Variants in CPSF7 observed in about 807,000 individuals in gnomAD.
CPSF7 encodes the protein cleavage and polyadenylation specific factor 7.
A neutral mutation model predicts 44.3 loss-of-function variants in CPSF7; 1 was observed. The observed-to-expected ratio is 0.02, with a 90% confidence interval of 0.01 to 0.11. The LOEUF is 0.11. CPSF7 is among the 10% of genes least tolerant of loss of function. The probability of loss-of-function intolerance (pLI) is 1.00; values close to 1 mark genes in which losing one functional copy is unlikely to be tolerated. For synonymous variants in CPSF7, 202 were observed against 222.0 expected (o/e 0.91, Z 0.80); for missense variants, 443 against 607.2 (o/e 0.73, Z 2.84).
intron 9 of CPSF7, among the ~76,000 whole-genome samples, chr11:61,406,777 C>G (rs1221851877): frequency 6.6e-6 from 1 of 152,162 alleles, no homozygotes; most frequent in African/African-American, 2.4e-5. Context: ...GGGTCTTGCT[C>G]TATTGCCCAG....
chr11:61,408,194 C>CT (rs1859498865), intron 9 of CPSF7, among the ~76,000 whole-genome samples: 1 of 151,776 alleles, frequency 6.6e-6, no homozygotes, highest in Non-Finnish European at 1.5e-5. Context: ...GTAGCTGGGA[C>CT]TACAGGCACC....
intron 6 of CPSF7, 109 bp from the exon 7 acceptor site, chr11:61,415,893 G>C: frequency 2.2e-6 from 2 of 912,188 alleles, no homozygotes; most frequent in Non-Finnish European, 3.5e-6. Flanking sequence ...CTAGACATCT[G>C]TAGCATTCAT....
Position 61,420,010 on chromosome 11 carries a change from T to C in CPSF7, c.462A>G (p.Lys154=). 1.2e-6 allele frequency: 2 copies of C among 1,614,120 alleles called. No homozygotes were observed. Among genetic ancestry groups the C allele is most frequent in the Non-Finnish European group, 1.7e-6 (2 of 1,179,974 alleles). Reference sequence around the variant, plus strand: ...GCCGGGTGGCCGGCCTCACGTCCACTTTTTCTCCATTAAGAACTTTCCCTG... The same window carrying C: ...GCCGGGTGGCCGGCCTCACGTCCACCTTTTCTCCATTAAGAACTTTCCCTG... ...LLPGKVLNGE[K]VDVRPATRQN... The change falls in exon 5 of 10, where the codon AAA becomes AAG. Residue 154 remains lysine (K), a synonymous_variant. Transcript: ENST00000439958.
At chr11:61,414,148 ATTTTTTTTT>A in intron 7 of CPSF7, among the ~76,000 whole-genome samples, 1 of 132,646 alleles carries the variant, frequency 7.5e-6, no homozygotes, top group South Asian at 2.3e-4. Context: ...AAAAAGACTA[ATTTTTTTTT>A]TTTTTTTTTT....
chr11:61,419,858 A>G, intron 5 of CPSF7, 91 bp downstream of exon 5: 1 of 1,463,424 alleles, frequency 6.8e-7, no homozygotes, highest in African/African-American at 1.4e-5. Context: ...ACTGTAGGCT[A>G]AGCCTACACC....
chr11:61,411,895 G>T lies in CPSF7; in HGVS notation c.1100C>A (p.Ala367Glu), dbSNP rs773569202. The stretch of plus-strand genomic sequence containing the variant: ...GGCAACCCGGGACTGTTTGATAACC[G>T]CAATGGCTGTGAGCAGCGTCTCAAT... ...DAIETLLTAI[A>E]VIKQSRVAND... The change falls in exon 8 of 10, where the codon GCG becomes GAG. Residue 367 changes from alanine to glutamate, a missense_variant. Transcript: ENST00000439958. The T allele has an allele frequency of 7.4e-6, 12 of 1,614,162 alleles. No individual in the cohort carries two copies. The highest frequency in any genetic ancestry group is 1.0e-5 in the Non-Finnish European group (12 of 1,179,990).
intron 9 of CPSF7, among the ~76,000 whole-genome samples, chr11:61,405,099 T>C (rs1565096126): frequency 6.6e-6 from 1 of 152,188 alleles, no homozygotes; most frequent in African/African-American, 2.4e-5. Flanking sequence ...AAGTCTATTC[T>C]GTGCAAGTCA....
rs1859090521 is a variant in CPSF7 at position 61,404,005 on chromosome 11, CCTT to C, written c.*702_*704del. 6.6e-6 allele frequency: 1 copy of C among 152,666 alleles called. No homozygotes were observed. The highest frequency in any genetic ancestry group is 1.9e-4 in the East Asian group (1 of 5,198). 9.5% of individuals were successfully genotyped at this position (152,666 alleles called of 1,614,324 possible). On this transcript the variant is annotated 3_prime_UTR_variant, in exon 10 of 10. Transcript: ENST00000439958. The stretch of plus-strand genomic sequence containing the variant: ...TCCCAGCAGCAAGCAACCTCATAGG[CCTT>C]CTCTGCTTAGGAGGGGCAAGTCCAC...
intron 9 of CPSF7, among the ~76,000 whole-genome samples, chr11:61,408,119 C>T (rs995357387): frequency 2.7e-5 from 4 of 150,036 alleles, no homozygotes; most frequent in Non-Finnish European, 4.4e-5. Context: ...TACAGTGGCG[C>T]GATCTCGGCT....
rs1199842499 is a variant in CPSF7 at position 61,421,502 on chromosome 11, G to C, written c.161C>G (p.Pro54Arg). The part of the protein sequence containing the change: ...DRSSSTEPPP[P>R]VRQEPSPKPN... ...CTTGGGAGATGGCTCCTGGCGAACAGGAGGAGGTGGTTCAGTGCTGCTGCT... is the reference window on the plus strand; with the variant it reads ...CTTGGGAGATGGCTCCTGGCGAACACGAGGAGGTGGTTCAGTGCTGCTGCT... The change falls in exon 3 of 10, where the codon CCT (proline) becomes CGT (arginine). Residue 54 changes from proline to arginine, a missense_variant. Coordinates refer to ENST00000439958, the MANE Select transcript of CPSF7 (RefSeq NM_001142565.3). 4 of 1,614,120 alleles carry C rather than the reference G, an allele frequency of 2.5e-6. No homozygotes were observed. The Admixed American group carries it at 5.0e-5, about 20-fold the overall frequency.
At chr11:61,409,212 G>C (rs372789920) in intron 9 of CPSF7, among the ~76,000 whole-genome samples, 1 of 151,538 alleles carries the variant, frequency 6.6e-6, no homozygotes, top group Non-Finnish European at 1.5e-5. Context: ...GGTGGCTCAC[G>C]CCTGTAATCC....
rs1361009233 is a variant in CPSF7 at position 61,402,789 on chromosome 11, CCGA to C, written c.*1918_*1920del. ...ACCTATCAGAAAGACAAACAAATCA[CCGA>C]CAACAGGGGGACGGGACCTTGGCCT... is the stretch of plus-strand genomic sequence containing the variant. On this transcript the variant is annotated 3_prime_UTR_variant, in exon 10 of 10. Transcript: ENST00000439958. 6.6e-6 allele frequency: 1 copy of C among 152,578 alleles called. No homozygotes were observed. The highest frequency in any genetic ancestry group is 2.4e-5 in the African/African-American group (1 of 41,406). The allele number at this position is 152,578 out of a possible 1,614,324, so 9.5% of individuals were successfully genotyped here. A position where few individuals can be genotyped will look rare whatever the true frequency, so the allele number is the denominator to read the frequency against.
chr11:61,409,473 C>CAA (rs1859655308), intron 9 of CPSF7, among the ~76,000 whole-genome samples: 1 of 151,736 alleles, frequency 6.6e-6, no homozygotes, highest in African/African-American at 2.4e-5. Context: ...TGTCTCAAAA[C>CAA]AAAACAAAAC....
chr11:61,418,112 T>C (rs1196528885), intron 5 of CPSF7, among the ~76,000 whole-genome samples: 1 of 152,150 alleles, frequency 6.6e-6, no homozygotes, highest in Non-Finnish European at 1.5e-5. Context: ...CTTTCTAACA[T>C]GGAACAACAA....
chr11:61,404,697 C>T lies in CPSF7; in HGVS notation c.*13G>A, dbSNP rs983724765. The T allele has an allele frequency of 1.3e-5, 2 of 152,176 alleles. No homozygotes were observed. The highest frequency in any genetic ancestry group is 4.8e-5 in the African/African-American group (2 of 41,412). The allele number at this position is 152,176 out of a possible 1,614,324, so 9.4% of individuals were successfully genotyped here. ...CCATTAAAAAAACATTTGCTTCCAA[C>T]CAGACTCCTGCAATGAGAACATCAG... On this transcript the variant is annotated 3_prime_UTR_variant, in exon 10 of 10. Transcript: ENST00000439958.
intron 2 of CPSF7, 50 bp downstream of exon 2, chr11:61,429,132 G>A (rs748124992): frequency 2.2e-5 from 24 of 1,084,478 alleles, no homozygotes; most frequent in South Asian, 8.8e-5. Flanking sequence ...TGCTGAAAAT[G>A]ATTCCTCAGA....
Position 61,411,865 on chromosome 11 carries a change from T to C in CPSF7, c.1130A>G (p.Asp377Gly), listed in dbSNP as rs1554976305. ...AVIKQSRVAN[D>G]ERCRVLISSL... is the part of the protein sequence containing the mutation. Reference sequence around the variant, plus strand: ...GGAGATGAGGACACGGCAACGCTCATCATTGGCAACCCGGGACTGTTTGAT... The same window carrying C: ...GGAGATGAGGACACGGCAACGCTCACCATTGGCAACCCGGGACTGTTTGAT... Residue 377 changes from aspartate (D) to glycine (G), a missense_variant, in exon 8 of 10, where the codon GAT becomes GGT. By Grantham distance (94) the Asp-to-Gly change is moderately conservative. Transcript: ENST00000439958. 6.2e-7 allele frequency: 1 copy of C among 1,614,070 alleles called. No individual in the cohort carries two copies. Among genetic ancestry groups the C allele is most frequent in the Non-Finnish European group, 8.5e-7 (1 of 1,180,028 alleles).
At position 61,415,599 on chromosome 11, in the gene CPSF7, A is replaced by G. The variant is rs561091207; in HGVS notation, c.1057+67T>C. ...TATCTTGTTGAACTTTTGCCAGTAG[A>G]AATGACAAAATCAGGAAAAAAAAGT... On this transcript the variant is annotated intron_variant, in intron 7 of 9. Transcript: ENST00000439958. 633 of 1,047,152 alleles carry G rather than the reference A, an allele frequency of 6.0e-4. 1 individual carries two copies. Among genetic ancestry groups the G allele is most frequent in the Admixed American group, 6.7e-4 (38 of 56,338 alleles). 64.9% of individuals were successfully genotyped at this position (1,047,152 alleles called of 1,614,324 possible).
In CPSF7 at chr11:61,429,194, C is replaced by T. The variant is rs765786635; in HGVS notation, c.42G>A (p.Glu14=). 2 of 1,602,544 alleles carry T rather than the reference C, an allele frequency of 1.2e-6. No individual in the cohort carries two copies. Among genetic ancestry groups the T allele is most frequent in the African/African-American group, 1.3e-5 (1 of 74,848 alleles). Residue 14 remains glutamate (E), a synonymous_variant, in exon 2 of 10, where the codon GAG becomes GAA. Transcript: ENST00000439958. ...GATGACACCTCACCTGGTTGAACTC[C>T]TCGTCAGCATATATATCAATCAAGT... ...GVDLIDIYAD[E]EFNQDPEFNN... is the part of the protein sequence containing the mutation.
Sources: allele counts gnomAD v4.1 joint callset (sites outside exome capture counted in the v4.1 genomes callset), GRCh38; gene constraint gnomAD v4.1.1; transcripts MANE v1.5; gene names NCBI Gene and HGNC (gene_info 2026-07-23, HGNC 2026-07-21).